PHF24: variants seen among roughly 807,000 people sequenced by gnomAD.
PHF24 encodes the protein PHD finger protein 24.
Under a neutral mutation model 42.6 loss-of-function variants are expected in PHF24, and 25 were observed. The ratio of observed to expected loss-of-function variants is 0.59; its 90% confidence interval spans 0.43 to 0.82. PHF24 has a LOEUF of 0.82. PHF24 is among the 40% of genes least tolerant of loss of function. The probability of loss-of-function intolerance (pLI) is 0.00; values close to 1 mark genes in which losing one functional copy is unlikely to be tolerated. For missense variants in PHF24, 470 were observed against 538.1 expected (o/e 0.87, Z 1.25); for synonymous variants, 185 against 204.8 (o/e 0.90, Z 0.83).
At chr9:34,922,194 C>T in the PHF24 span, 2 of 1,589,002 alleles carry the variant, frequency 1.3e-6, no homozygotes, top group Non-Finnish European at 1.7e-6. Context: ...TTAATTTTCC[C>T]CTCCTTCTCC....
the PHF24 span, among the ~76,000 whole-genome samples, chr9:34,931,868 G>A: frequency 6.6e-6 from 1 of 152,226 alleles, no homozygotes; most frequent in African/African-American, 2.4e-5. Flanking sequence ...AGATACTGGT[G>A]AAAGTGGGAA....
the PHF24 span, among the ~76,000 whole-genome samples, chr9:34,792,842 C>T: frequency 1.6e-4 from 24 of 152,092 alleles, no homozygotes; most frequent in Admixed American, 5.9e-4. Flanking sequence ...GCCCTGTGTC[C>T]ATATGAGCAT....
At chr9:34,715,726 A>G in the PHF24 span, among the ~76,000 whole-genome samples, 1 of 152,206 alleles carries the variant, frequency 6.6e-6, no homozygotes, top group Middle Eastern at 3.2e-3. Flanking sequence ...GTGATGATGA[A>G]TTCACCAGAC....
At chr9:34,909,374 G>A in the PHF24 span, among the ~76,000 whole-genome samples, 19 of 152,110 alleles carry the variant, frequency 1.2e-4, no homozygotes, top group Admixed American at 1.2e-3. Context: ...CTTTGGCCAA[G>A]CTCTGGACAA....
At chr9:34,903,151 A>G in the PHF24 span, among the ~76,000 whole-genome samples, 91 of 152,316 alleles carry the variant, frequency 6.0e-4, no homozygotes, top group East Asian at 0.012. Context: ...AGATAGATAA[A>G]AAGGTTGATT....
chr9:34,758,577 T>C, the PHF24 span, among the ~76,000 whole-genome samples: 1 of 152,054 alleles, frequency 6.6e-6, no homozygotes, highest in African/African-American at 2.4e-5. This position sits in a 1 kb window ranked among gnomAD's most constrained non-coding sequence, Gnocchi z 4.4. Context: ...CTTGACATAA[T>C]GAAGATGGAG....
chr9:34,959,314 G>A (rs1406508915), intron 1 of PHF24, among the ~76,000 whole-genome samples: 1 of 152,168 alleles, frequency 6.6e-6, no homozygotes, highest in Non-Finnish European at 1.5e-5. Flanking sequence ...GCACCAGTAC[G>A]CTAGGCAGTA....
the PHF24 span, among the ~76,000 whole-genome samples, chr9:34,938,541 TC>T: frequency 2.0e-5 from 3 of 152,132 alleles, no homozygotes; most frequent in African/African-American, 7.2e-5. Flanking sequence ...TGGATTTAAA[TC>T]ATAGCTCTGA....
At chr9:34,882,703 G>A in the PHF24 span, among the ~76,000 whole-genome samples, 618 of 152,204 alleles carry the variant, frequency 4.1e-3, 5 homozygotes, top group African/African-American at 0.014. Context: ...ACTGCTCAAC[G>A]AAATAAAAGA....
chr9:34,964,814 A>T (rs1439485563), intron 1 of PHF24, among the ~76,000 whole-genome samples: 1 of 151,694 alleles, frequency 6.6e-6, no homozygotes, highest in Non-Finnish European at 1.5e-5. Context: ...GCCCTATTCC[A>T]CCTTCTTGTC....
At chr9:34,709,277 A>T in the PHF24 span, 1 of 1,240,084 alleles carries the variant, frequency 8.1e-7, no homozygotes, top group Non-Finnish European at 1.2e-6. Flanking sequence ...TGGCAAGGCC[A>T]GCATGGGGTG....
chr9:34,936,421 A>G, the PHF24 span, among the ~76,000 whole-genome samples: 3 of 151,656 alleles, frequency 2.0e-5, no homozygotes, highest in Non-Finnish European at 2.9e-5. Flanking sequence ...GCTCGCTACA[A>G]CCTCCACCTC....
chr9:34,684,026 T>C, the PHF24 span, among the ~76,000 whole-genome samples: 1 of 152,246 alleles, frequency 6.6e-6, no homozygotes, highest in Non-Finnish European at 1.5e-5. Flanking sequence ...TAGGCTCACT[T>C]ATTCTCGCTA....
At chr9:34,958,226 G>GCGCGCCGC (rs1554657768), upstream of PHF24, 4 of 150,272 alleles carry the variant, frequency 2.7e-5, no homozygotes, top group African/African-American at 1.0e-4. This position sits in a 1 kb window ranked among gnomAD's most constrained non-coding sequence, Gnocchi z 4.5. Flanking sequence ...CCGGCCGCGC[G>GCGCGCCGC]CGCCGCCGCC....
the PHF24 span, among the ~76,000 whole-genome samples, chr9:34,669,056 C>T: frequency 2.0e-5 from 3 of 152,158 alleles, no homozygotes; most frequent in Non-Finnish European, 4.4e-5. Flanking sequence ...TGGAAGCCCC[C>T]ACTTCGAGTT....
At chr9:34,975,461 G>A (rs192694077) in intron 3 of PHF24, among the ~76,000 whole-genome samples, 4 of 152,296 alleles carry the variant, frequency 2.6e-5, no homozygotes, top group Non-Finnish European at 2.9e-5. Context: ...CTTGTACTTT[G>A]CGGGTATCTC....
At chr9:34,718,814 G>A in the PHF24 span, among the ~76,000 whole-genome samples, 1 of 152,186 alleles carries the variant, frequency 6.6e-6, no homozygotes, top group Admixed American at 6.5e-5. Flanking sequence ...TTATGTTGTG[G>A]AGAAGCCACC....
chr9:34,728,746 C>T, the PHF24 span: 12 of 1,172,596 alleles, frequency 1.0e-5, no homozygotes, highest in South Asian at 4.0e-5. Context: ...ATTTTTCACT[C>T]GCTTTGTATA....
the PHF24 span, among the ~76,000 whole-genome samples, chr9:34,756,326 C>T: frequency 1.8e-4 from 27 of 152,002 alleles, no homozygotes; most frequent in Admixed American, 1.6e-3. Flanking sequence ...CCCGAACTCC[C>T]GACCTCAGGT....
Sources: allele counts gnomAD v4.1 joint callset (sites outside exome capture counted in the v4.1 genomes callset), GRCh38; gene constraint gnomAD v4.1.1; non-coding constraint Gnocchi (gnomAD v3.1); transcripts MANE v1.5; gene names NCBI Gene and HGNC (gene_info 2026-07-23, HGNC 2026-07-21).